CFAP70: variants seen among roughly 807,000 people sequenced by gnomAD.
CFAP70 encodes cilia- and flagella-associated protein 70.
CFAP70 carries 81 observed loss-of-function variants against 137.6 expected under a neutral mutation model. The observed-to-expected ratio is 0.59, with a 90% CI of 0.49 to 0.71. The LOEUF (loss-of-function observed/expected upper bound fraction) is 0.71. Ranked by LOEUF, CFAP70 falls within the 30% of genes least tolerant of loss-of-function variation. CFAP70 has a pLI of 0.00. For missense variants in CFAP70, 976 were observed against 1,226.7 expected (o/e 0.80, Z 3.05); for synonymous variants, 382 against 423.6 (o/e 0.90, Z 1.20).
At chr10:73,257,896 G>A (rs1273829334) in intron 25 of CFAP70, among the ~76,000 whole-genome samples, 1 of 32,096 alleles carries the variant, frequency 3.1e-5, no homozygotes, top group Non-Finnish European at 5.7e-5. Flanking sequence ...TTTTTTTTTT[G>A]AGACGGAGTC....
At chr10:73,345,174 T>C (rs1201770188) in intron 4 of CFAP70, 4 of 1,614,150 alleles carry the variant, frequency 2.5e-6, no homozygotes, top group South Asian at 2.2e-5. Flanking sequence ...CTTCAGTAGA[T>C]TGCCCCCTGA....
chr10:73,318,905 G>A (rs1049381228), intron 9 of CFAP70, among the ~76,000 whole-genome samples: 1 of 151,934 alleles, frequency 6.6e-6, no homozygotes, highest in Non-Finnish European at 1.5e-5. Flanking sequence ...TACATTTTTT[G>A]CAAAAAGTTT....
upstream of CFAP70, among the ~76,000 whole-genome samples, chr10:73,362,528 G>GT (rs991281174): frequency 3.3e-5 from 5 of 152,120 alleles, no homozygotes; most frequent in East Asian, 1.9e-4. Flanking sequence ...TTTTTGTTTT[G>GT]TTTTTTGTAG....
exon 14 of CFAP70, chr10:73,299,085 T>C: frequency 6.2e-7 from 1 of 1,611,448 alleles, no homozygotes; most frequent in South Asian, 1.1e-5. Flanking sequence ...GATCTGTATG[T>C]GGTAGTCACT....
intron 6 of CFAP70, among the ~76,000 whole-genome samples, chr10:73,337,989 C>G (rs1179181243): frequency 6.6e-6 from 1 of 152,110 alleles, no homozygotes; most frequent in East Asian, 1.9e-4. Context: ...CTTTGTATAT[C>G]TGAAAATCAA....
chr10:73,352,212 A>T (rs1294151653), intron 3 of CFAP70, among the ~76,000 whole-genome samples: 1 of 152,058 alleles, frequency 6.6e-6, no homozygotes, highest in Admixed American at 6.5e-5. Context: ...TGGGAAGGGG[A>T]CTCATTACTA....
At chr10:73,267,622 A>G (rs552027556) in intron 25 of CFAP70, among the ~76,000 whole-genome samples, 1 of 152,328 alleles carries the variant, frequency 6.6e-6, no homozygotes, top group Non-Finnish European at 1.5e-5. Context: ...AAAATCTACT[A>G]TAAGGCCTAA....
intron 15 of CFAP70, chr10:73,295,438 A>G (rs963157500): frequency 1.3e-5 from 2 of 151,986 alleles, no homozygotes; most frequent in East Asian, 1.9e-4. Context: ...TCTAGCTACT[A>G]CTTTTCCAGT....
At chr10:73,336,352 A>G (rs779680523) in intron 6 of CFAP70, among the ~76,000 whole-genome samples, 11 of 152,160 alleles carry the variant, frequency 7.2e-5, no homozygotes, top group Non-Finnish European at 1.5e-4. Context: ...CTAAATTAAA[A>G]TATAAATCTA....
Position 73,254,010 on chromosome 10 carries a change from G to A in CFAP70, c.3121C>T (p.Gln1041Ter), listed in dbSNP as rs2044208806. 1 of 1,605,994 alleles carries A rather than the reference G, an allele frequency of 6.2e-7. No homozygotes were observed. The highest frequency in any genetic ancestry group is 1.3e-5 in the African/African-American group (1 of 74,866). ...GGATTTCCAAAGCCAACTGTTTCCT[G>A]TAGTGTGTGGATCTCTGCAAGCAGA... is the stretch of plus-strand genomic sequence containing the variant. Residue 1041 changes from glutamine (Q) to a stop codon, truncating the protein, a stop_gained, in exon 27 of 27, where the codon CAG becomes TAG. Transcript: ENST00000310715. LOFTEE classifies it high-confidence loss of function.
intron 12 of CFAP70, among the ~76,000 whole-genome samples, chr10:73,301,001 C>A (rs1321089873): frequency 2.0e-5 from 3 of 152,044 alleles, no homozygotes; most frequent in Non-Finnish European, 4.4e-5. Flanking sequence ...GAAAGAAAGA[C>A]AATAAATAAG....
intron 19 of CFAP70, 113 bp downstream of exon 20, chr10:73,291,113 C>T (rs1203943219): frequency 2.3e-6 from 2 of 874,470 alleles, no homozygotes; most frequent in Non-Finnish European, 3.7e-6. Context: ...CTCCTGGGCT[C>T]AAGTGATCCT....
At position 73,284,926 on chromosome 10, in the gene CFAP70, G is replaced by A. The variant is rs183195164; in HGVS notation, c.2239+6300C>T. ...CCAGATGGCCCACTTTCAAATTACT[G>A]TTTTAAAAAATATTTTATACTTGCA... On this transcript the variant is annotated intron_variant, in intron 19 of 26. Coordinates refer to ENST00000310715, the Ensembl canonical transcript of CFAP70. 2.4e-3 allele frequency among the ~76,000 whole-genome samples: 360 copies of A among 149,944 alleles called. 3 individuals carry two copies. Among genetic ancestry groups the A allele is most frequent in the Admixed American group, 4.2e-3 (62 of 14,916 alleles).
At chr10:73,299,006 C>G (rs771348310) in exon 14 of CFAP70, 51 of 1,613,888 alleles carry the variant, frequency 3.2e-5, no homozygotes, top group Non-Finnish European at 4.3e-5. Context: ...CCATATCACT[C>G]TCCAGTTTGG....
intron 26 of CFAP70, 157 bp from the exon 28 acceptor site, chr10:73,254,212 A>G (rs925959681): frequency 1.5e-5 from 7 of 463,388 alleles, no homozygotes; most frequent in African/African-American, 9.7e-5. Context: ...AAACTCCAGT[A>G]GAAGACCTTA....
exon 12 of CFAP70, chr10:73,310,182 C>T (rs144463707): frequency 4.3e-6 from 7 of 1,612,370 alleles, no homozygotes; most frequent in African/African-American, 4.0e-5. Context: ...CTCTGGCATT[C>T]GCTTTGGAAC....
chr10:73,337,361 G>A (rs1489150818), intron 6 of CFAP70, among the ~76,000 whole-genome samples: 1 of 152,108 alleles, frequency 6.6e-6, no homozygotes, highest in African/African-American at 2.4e-5. Context: ...GCGTGTGCCT[G>A]TAATCTCAGC....
rs186359052 is a variant in CFAP70, at chr10:73,277,443, G to A, written c.2399-82C>T. 16 of 1,483,640 alleles carry A rather than the reference G, an allele frequency of 1.1e-5. No homozygotes were observed. In the Admixed American group the frequency reaches 1.5e-4, roughly 14 times the overall value. The allele number at this position is 1,483,640 out of a possible 1,614,324, so 91.9% of individuals were successfully genotyped here. ...AATTCAGACACATTCGGGTGGGTGC[G>A]GTGGCTCACGCCTGTAATCCCAGCA... On this transcript the variant is annotated intron_variant, in intron 20 of 26. Transcript: ENST00000310715.
At chr10:73,293,542 T>C in intron 15 of CFAP70, 154 bp from the exon 17 acceptor site, 3 of 574,190 alleles carry the variant, frequency 5.2e-6, no homozygotes, top group Non-Finnish European at 8.6e-6. Flanking sequence ...AGTAAAAGAA[T>C]AAGAGTGAAC....
Sources: allele counts gnomAD v4.1 joint callset (sites outside exome capture counted in the v4.1 genomes callset), GRCh38; gene constraint gnomAD v4.1.1; transcripts MANE v1.5; gene names NCBI Gene and HGNC (gene_info 2026-07-23, HGNC 2026-07-21).